OCRL: variants seen among roughly 807,000 people sequenced by gnomAD.
OCRL encodes the protein OCRL inositol polyphosphate-5-phosphatase.
OCRL carries 8 observed loss-of-function variants against 78.9 expected under a neutral mutation model. The observed-to-expected ratio is 0.10, with a 90% CI of 0.06 to 0.18. OCRL has a LOEUF of 0.18. Ranked by LOEUF, OCRL falls within the 10% of genes least tolerant of loss-of-function variation. OCRL has a pLI of 1.00. For missense variants in OCRL, 454 were observed against 696.7 expected (o/e 0.65, Z 3.92); for synonymous variants, 240 against 235.4 (o/e 1.02, Z -0.18).
In OCRL at chrX:129,540,267, G is replaced by A. The variant is rs1935765233; in HGVS notation, c.-173G>A. 4 of 534,627 alleles carry A rather than the reference G, an allele frequency of 7.5e-6. No individual in the cohort carries two copies. The highest frequency in any genetic ancestry group is 1.2e-5 in the Non-Finnish European group (4 of 322,116). The allele number at this position is 534,627 out of a possible 1,213,427, so 44.1% of individuals were successfully genotyped here. A position where few individuals can be genotyped will look rare whatever the true frequency, so the allele number is the denominator to read the frequency against. On this transcript the variant is annotated 5_prime_UTR_variant, in exon 1 of 24. Transcript: ENST00000371113. ...GGGCGCGAGGCGCCGCTCTCTCTTG[G>A]GTCAGATTCTCAGCTCCCAGCTCCC...
At chrX:129,577,313 C>T (rs1936381782) in intron 18 of OCRL, among the ~76,000 whole-genome samples, 1 of 111,827 alleles carries the variant, frequency 8.9e-6, no homozygotes, top group Non-Finnish European at 1.9e-5. Flanking sequence ...TCCCTCAAGC[C>T]AAGCTATAAT....
chrX:129,543,330 A>G (rs1935836265), intron 2 of OCRL, among the ~76,000 whole-genome samples: 1 of 112,917 alleles, frequency 8.9e-6, no homozygotes, highest in African/African-American at 3.2e-5. Flanking sequence ...GTTTTGTAAT[A>G]GTTTTTAACA....
chrX:129,552,111 A>T lies in OCRL; in HGVS notation c.238+3510A>T, dbSNP rs1050817686. ...AAATGAGAATCGTATGAAGGATTTTATGCTGGGGTGTCATCATTTGCATGG... is the reference window on the plus strand; with the variant it reads ...AAATGAGAATCGTATGAAGGATTTTTTGCTGGGGTGTCATCATTTGCATGG... On this transcript the variant is annotated intron_variant, in intron 4 of 23. Coordinates refer to ENST00000371113, the MANE Select transcript of OCRL (RefSeq NM_000276.4). Among the ~76,000 whole-genome samples the T allele has an allele frequency of 3.6e-5, 4 of 112,173 alleles. No homozygotes were observed. The Admixed American group carries it at 3.8e-4, about 11-fold the overall frequency.
rs972128785 is a variant in OCRL at position 129,590,877 on chromosome X, G to A, written c.*607G>A. On this transcript the variant is annotated 3_prime_UTR_variant, in exon 24 of 24. Coordinates refer to ENST00000371113, the MANE Select transcript of OCRL (RefSeq NM_000276.4). ...GCATCTTTATGTCTCTGTAACATTGGCCTTTTCATGGCTCCACACTGGGTG... is the reference window on the plus strand; with the variant it reads ...GCATCTTTATGTCTCTGTAACATTGACCTTTTCATGGCTCCACACTGGGTG... 6.6e-5 allele frequency: 8 copies of A among 121,045 alleles called. No individual in the cohort carries two copies. The highest frequency in any genetic ancestry group is 4.1e-4 in the Admixed American group (5 of 12,145). 10.0% of individuals were successfully genotyped at this position (121,045 alleles called of 1,213,427 possible).
At chrX:129,588,296 A>G in intron 21 of OCRL, 33 bp downstream of exon 21, 1 of 1,006,266 alleles carries the variant, frequency 9.9e-7, no homozygotes, top group Non-Finnish European at 1.4e-6. Context: ...AAGAAGCTGG[A>G]TGAGTACTTG....
chrX:129,586,767 C>T (rs764618343), intron 19 of OCRL: 5 of 507,225 alleles, frequency 9.9e-6, no homozygotes, highest in East Asian at 3.8e-5. Flanking sequence ...ACATCATAAA[C>T]GCAAATGAAA....
intron 18 of OCRL, among the ~76,000 whole-genome samples, chrX:129,577,945 A>G (rs1270276025): frequency 8.9e-6 from 1 of 111,775 alleles, no homozygotes; most frequent in Non-Finnish European, 1.9e-5. Flanking sequence ...TTCATCTCAG[A>G]CATTATTTCC....
chrX:129,546,754 C>G (rs773935114), intron 3 of OCRL, among the ~76,000 whole-genome samples: 46 of 112,024 alleles, frequency 4.1e-4, no homozygotes, highest in African/African-American at 1.5e-3. Flanking sequence ...CTCTTTTACC[C>G]TGTTTCTCTT....
chrX:129,556,078 T>G (rs1051603684), intron 4 of OCRL, among the ~76,000 whole-genome samples: 3 of 112,152 alleles, frequency 2.7e-5, no homozygotes, highest in Non-Finnish European at 5.6e-5. Flanking sequence ...AATTAATTAT[T>G]TTATTTTCCT....
In OCRL at chrX:129,588,971, G is replaced by A. The variant is rs145277867; in HGVS notation, c.2427G>A (p.Gln809=). The change falls in exon 22 of 24, where the codon CAG becomes CAA. Residue 809 remains glutamine, a synonymous_variant. Transcript: ENST00000371113. ...CAGTCATCTGTTACGAGCTGTATCA[G>A]CGATGTCTTGACTCTGCTTATGATC... ...PEPVICYELY[Q]RCLDSAYDPR... The A allele has an allele frequency of 5.0e-6, 6 of 1,210,146 alleles. 1 individual carries two copies. The East Asian group carries it at 1.8e-4, about 36-fold the overall frequency.
intron 18 of OCRL, among the ~76,000 whole-genome samples, chrX:129,584,017 C>A (rs914649534): frequency 1.8e-5 from 2 of 110,956 alleles, no homozygotes; most frequent in African/African-American, 6.6e-5. Flanking sequence ...AATGCACCTG[C>A]CTCCAAGCAG....
intron 2 of OCRL, among the ~76,000 whole-genome samples, chrX:129,543,518 C>G (rs1014052424): frequency 4.4e-5 from 5 of 113,182 alleles, no homozygotes; most frequent in Admixed American, 9.3e-5. Context: ...ACTCTCCACT[C>G]AACTCATGAA....
Position 129,548,146 on chromosome X carries a change from C to T in OCRL, c.200-417C>T, listed in dbSNP as rs762000706. ...AGATCTGAGTTAAGAAAGTAATTCA[C>T]CTCTGGGCTTTCAGGGTCACTTCCT... On this transcript the variant is annotated intron_variant, in intron 3 of 23. Coordinates refer to ENST00000371113, the MANE Select transcript of OCRL (RefSeq NM_000276.4). Among the ~76,000 whole-genome samples, 26 of 111,875 alleles carry T rather than the reference C, an allele frequency of 2.3e-4. No individual in the cohort carries two copies. The South Asian group carries it at 9.9e-3, about 42-fold the overall frequency.
At chrX:129,586,541 A>G (rs1348480801) in intron 19 of OCRL, among the ~76,000 whole-genome samples, 1 of 112,475 alleles carries the variant, frequency 8.9e-6, no homozygotes, top group Non-Finnish European at 1.9e-5. Flanking sequence ...AAAACAAACA[A>G]CAGTATCTGT....
chrX:129,565,596 C>T (rs751747021), intron 12 of OCRL, among the ~76,000 whole-genome samples, 176 bp from the exon 13 acceptor site: 3 of 112,120 alleles, frequency 2.7e-5, no homozygotes, highest in Non-Finnish European at 5.6e-5. Flanking sequence ...AATCCATTGT[C>T]TCTCTCAGGT....
In OCRL at chrX:129,557,366, C is replaced by T; in HGVS notation, c.280C>T (p.Arg94Cys). ...GGTTCAGGGGGACTGGATCAGAGAG[C>T]GCCGCTTTGAAATCCCTGATGAGGA... ...IRVQGDWIRE[R>C]RFEIPDEEHC... The change falls in exon 5 of 24, where the codon CGC (arginine) becomes TGC (cysteine). Residue 94 changes from arginine (R) to cysteine (C), a missense_variant. Arg to Cys is a radical substitution (Grantham distance 180). Around this residue, in one of 2 missense-constraint regions of OCRL, gnomAD observed 177 missense variants for 179.6 expected, o/e 0.99. Coordinates refer to ENST00000371113, the MANE Select transcript of OCRL (RefSeq NM_000276.4). 1 of 1,211,316 alleles carries T rather than the reference C, an allele frequency of 8.3e-7. No individual in the cohort carries two copies. The highest frequency in any genetic ancestry group is 1.1e-6 in the Non-Finnish European group (1 of 895,358).
Position 129,540,804 on chromosome X carries a change from C to G in OCRL, c.100C>G (p.Gln34Glu). 1 of 1,207,662 alleles carries G rather than the reference C, an allele frequency of 8.3e-7. No individual in the cohort carries two copies. The highest frequency in any genetic ancestry group is 1.1e-6 in the Non-Finnish European group (1 of 891,663). ...GGAGCCCTGCGCCCTGACCCTAGCC[C>G]AGAGGAACGGGCAATATGAGTAAGT... ...LREPCALTLA[Q>E]RNGQYELIIQ... Residue 34 changes from glutamine to glutamate, a missense_variant, in exon 2 of 24, where the codon CAG becomes GAG. Coordinates refer to ENST00000371113, the MANE Select transcript of OCRL (RefSeq NM_000276.4).
intron 5 of OCRL, among the ~76,000 whole-genome samples, 169 bp from the exon 6 acceptor site, chrX:129,557,692 C>T (rs932910094): frequency 9.0e-6 from 1 of 111,703 alleles, no homozygotes; most frequent in African/African-American, 3.3e-5. Flanking sequence ...TCTCCTTCTG[C>T]CCCTAGATGA....
At chrX:129,584,797 T>TA (rs1191942531) in intron 19 of OCRL, among the ~76,000 whole-genome samples, 1 of 111,841 alleles carries the variant, frequency 8.9e-6, no homozygotes, top group East Asian at 2.8e-4. Context: ...AATACACAGA[T>TA]ATGATCAAGA....
Sources: gnomAD v4.1 joint callset for allele counts (sites outside exome capture counted in the v4.1 genomes callset) on GRCh38, gnomAD v4.1.1 for gene constraint, gnomAD v4.1.1 regional missense constraint, MANE v1.5 for transcripts, NCBI Gene and HGNC (gene_info 2026-07-23, HGNC 2026-07-21) for gene names.